Variants in ZNF454 observed in about 807,000 individuals in gnomAD.
ZNF454 encodes zinc finger protein 454.
A neutral mutation model predicts 48.2 loss-of-function variants in ZNF454; 30 were observed. The ratio of observed to expected loss-of-function variants is 0.62; its 90% confidence interval spans 0.47 to 0.84. The LOEUF is 0.84. Among genes scored for constraint, ZNF454 ranks in the 40% least tolerant of loss-of-function variants. The pLI is 0.00. For synonymous variants in ZNF454, 204 were observed against 211.4 expected (o/e 0.97, Z 0.30); for missense variants, 510 against 623.1 (o/e 0.82, Z 1.93).
the ZNF454 span, among the ~76,000 whole-genome samples, chr5:178,973,610 G>A: frequency 3.0e-4 from 46 of 152,230 alleles, no homozygotes; most frequent in East Asian, 3.1e-3. Flanking sequence ...TTGGGAGGCC[G>A]AAGCGGGCGG....
chr5:178,989,216 C>T, the ZNF454 span: 1 of 1,183,508 alleles, frequency 8.4e-7, no homozygotes, highest in Non-Finnish European at 1.2e-6. Flanking sequence ...TCCCCACCCT[C>T]ACCACCCTCC....
At chr5:178,985,543 A>T in the ZNF454 span, 19 of 337,150 alleles carry the variant, frequency 5.6e-5, no homozygotes, top group African/African-American at 2.4e-4. Flanking sequence ...CTCTACTAAA[A>T]ATACAAAAAA....
At chr5:178,989,578 G>A in the ZNF454 span, among the ~76,000 whole-genome samples, 1 of 151,894 alleles carries the variant, frequency 6.6e-6, no homozygotes, top group South Asian at 2.1e-4. Context: ...GTTAGGCGTG[G>A]CCAGGTGAGC....
intron 4 of ZNF454, among the ~76,000 whole-genome samples, chr5:178,953,365 T>G (rs557073467): frequency 6.6e-6 from 1 of 152,144 alleles, no homozygotes; most frequent in Non-Finnish European, 1.5e-5. Context: ...ATTCATTGGT[T>G]CTTAGTTTAG....
At chr5:178,982,034 A>C in the ZNF454 span, among the ~76,000 whole-genome samples, 2 of 152,178 alleles carry the variant, frequency 1.3e-5, no homozygotes, top group African/African-American at 2.4e-5. Context: ...GGCAGCCTCC[A>C]TGCAGCTCTG....
At chr5:178,966,701 T>G (rs1457335922), downstream of ZNF454, among the ~76,000 whole-genome samples, 2 of 152,102 alleles carry the variant, frequency 1.3e-5, no homozygotes, top group Non-Finnish European at 2.9e-5. Flanking sequence ...ATAAGAGAGT[T>G]GCCAGCTTTA....
At chr5:178,942,626 C>T in intron 1 of ZNF454, 59 bp from the exon 2 acceptor site, 1 of 646,812 alleles carries the variant, frequency 1.5e-6, no homozygotes, top group African/African-American at 1.8e-5. Context: ...GATGTGAATG[C>T]TCACTGCCTC....
the ZNF454 span, chr5:178,986,305 C>T: frequency 2.5e-6 from 4 of 1,613,894 alleles, no homozygotes; most frequent in Admixed American, 5.0e-5. Context: ...GCGGGCGGCA[C>T]AGACCGCGGC....
At chr5:178,973,711 C>T in the ZNF454 span, among the ~76,000 whole-genome samples, 19 of 152,096 alleles carry the variant, frequency 1.2e-4, no homozygotes, top group Admixed American at 2.0e-4. Context: ...GGTGTGGTGG[C>T]GGGCGCCTGT....
At chr5:178,985,330 G>A in the ZNF454 span, 1 of 452,596 alleles carries the variant, frequency 2.2e-6, no homozygotes, top group Admixed American at 2.4e-5. Context: ...TTCCTTCAAG[G>A]ACCCAGCAGG....
At chr5:178,985,592 A>C in the ZNF454 span, 85 of 347,964 alleles carry the variant, frequency 2.4e-4, no homozygotes, top group East Asian at 8.9e-4. Context: ...AGTCCCAGCT[A>C]CTCGGGAGGC....
chr5:178,985,477 G>T, the ZNF454 span: 1 of 342,292 alleles, frequency 2.9e-6, no homozygotes, highest in Non-Finnish European at 5.7e-6. Flanking sequence ...GCCGAGGTGG[G>T]CGGATCACGA....
rs1759164838 is a variant in ZNF454, at chr5:178,942,842, C to G, written c.33+18C>G. ...TGGTCCAGGTGAGTGGGGGTTTCTT[C>G]CCCCTAAATTGCTTTCTGGATTTGA... On this transcript the variant is annotated intron_variant, in intron 2 of 4. Coordinates refer to ENST00000519564, the MANE Select transcript of ZNF454 (RefSeq NM_001178089.3). The G allele has an allele frequency of 6.2e-7, 1 of 1,608,982 alleles. No individual in the cohort carries two copies. Among genetic ancestry groups the G allele is most frequent in the South Asian group, 1.1e-5 (1 of 90,240 alleles).
the ZNF454 span, chr5:178,983,637 C>T: frequency 1.1e-5 from 4 of 360,046 alleles, no homozygotes; most frequent in African/African-American, 2.1e-5. Context: ...CTAGCCTCCT[C>T]ACGTGTACTG....
the ZNF454 span, chr5:178,985,575 C>A: frequency 2.4e-5 from 8 of 338,928 alleles, no homozygotes; most frequent in Non-Finnish European, 4.6e-5. Flanking sequence ...TGGTGGCGGG[C>A]GCCTGTAGTC....
Position 178,965,215 on chromosome 5 carries a change from C to T in ZNF454, c.811C>T (p.Pro271Ser), listed in dbSNP as rs1265719440. 2 of 1,614,136 alleles carry T rather than the reference C, an allele frequency of 1.2e-6. No individual in the cohort carries two copies. Among genetic ancestry groups the T allele is most frequent in the South Asian group, 2.2e-5 (2 of 91,088 alleles). Residue 271 changes from proline to serine, a missense_variant, in exon 5 of 5, where the codon CCT becomes TCT. By Grantham distance (74) the Pro-to-Ser change is moderately conservative (BLOSUM62 -1). Around this residue, in one of 3 missense-constraint regions of ZNF454, gnomAD observed 354 missense variants for 408.9 expected, o/e 0.87. Transcript: ENST00000519564. The surrounding 1 kb of genome is among the most constrained non-coding windows in gnomAD (Gnocchi z 5.2). Reference protein sequence around the residue: ...YHQKIHTGEKPFECNLCGKAF... With the variant: ...YHQKIHTGEKSFECNLCGKAF... ...TCAGAAAATTCATACTGGAGAGAAGCCTTTTGAATGCAACTTATGTGGAAA... is the reference window on the plus strand; with the variant it reads ...TCAGAAAATTCATACTGGAGAGAAGTCTTTTGAATGCAACTTATGTGGAAA...
At chr5:178,952,606 T>C (rs192959760) in intron 4 of ZNF454, among the ~76,000 whole-genome samples, 27 of 152,350 alleles carry the variant, frequency 1.8e-4, no homozygotes, top group African/African-American at 6.5e-4. Context: ...TTCTTAGTGC[T>C]TTCGGTGTCC....
intron 4 of ZNF454, among the ~76,000 whole-genome samples, chr5:178,959,755 A>G (rs542701297): frequency 1.0e-3 from 153 of 151,820 alleles, no homozygotes; most frequent in African/African-American, 3.3e-3. Context: ...ACAGGCGCCC[A>G]CCACCACGCC....
At chr5:178,986,107 C>A in the ZNF454 span, 6 of 1,607,910 alleles carry the variant, frequency 3.7e-6, no homozygotes, top group Non-Finnish European at 4.2e-6. Context: ...CCTGCCCTGG[C>A]CCTTGGGAGC....
Sources: allele counts gnomAD v4.1 joint callset (sites outside exome capture counted in the v4.1 genomes callset), GRCh38; gene constraint gnomAD v4.1.1; regional missense constraint gnomAD v4.1.1; non-coding constraint Gnocchi (gnomAD v3.1); transcripts MANE v1.5; gene names NCBI Gene and HGNC (gene_info 2026-07-23, HGNC 2026-07-21).